Variants in SETD2 observed in about 807,000 individuals in gnomAD.
SETD2 encodes the protein histone-lysine N-methyltransferase SETD2.
Under a neutral mutation model 242.1 loss-of-function variants are expected in SETD2, and 31 were observed. That is an observed-to-expected ratio of 0.13 (90% CI 0.10 to 0.17). SETD2 has a LOEUF of 0.17. SETD2 is among the 10% of genes least tolerant of loss of function. The pLI is 1.00. For synonymous variants in SETD2, 1,006 were observed against 1,066.5 expected, an observed-to-expected ratio of 0.94 and a Z score of 1.11; for missense variants, 2,481 against 3,046.3, an observed-to-expected ratio of 0.81 and a Z score of 4.37.
chr3:47,140,962 A>G (rs78240845), intron 1 of SETD2, among the ~76,000 whole-genome samples: 3 of 152,054 alleles, frequency 2.0e-5, no homozygotes, highest in Non-Finnish European at 4.4e-5. Flanking sequence ...TAATTAGACT[A>G]TTATAATTAG....
intron 17 of SETD2, 108 bp from the exon 18 acceptor site, chr3:47,037,885 G>T: frequency 1.3e-6 from 1 of 777,278 alleles, no homozygotes; most frequent in Non-Finnish European, 2.2e-6. Flanking sequence ...ATAAGACATA[G>T]AATAAGTCAG....
chr3:47,117,944 C>G (rs555295766), intron 3 of SETD2, among the ~76,000 whole-genome samples: 1 of 152,190 alleles, frequency 6.6e-6, no homozygotes, highest in African/African-American at 2.4e-5. Context: ...GATTAGGGAA[C>G]TATAAGAACT....
chr3:47,127,987 T>A (rs570147232), intron 1 of SETD2, among the ~76,000 whole-genome samples: 7 of 111,966 alleles, frequency 6.3e-5, no homozygotes, highest in Admixed American at 6.0e-4. Context: ...AACCTGTCTC[T>A]CTCTCTCACA....
intron 1 of SETD2, among the ~76,000 whole-genome samples, chr3:47,137,898 A>G (rs1280680599): frequency 6.6e-6 from 1 of 151,986 alleles, no homozygotes; most frequent in Admixed American, 6.6e-5. Context: ...CAAGTTGACC[A>G]GGCTGGTCTC....
Position 47,083,620 on chromosome 3 carries a change from G to A in SETD2, c.6060+100C>T, listed in dbSNP as rs913945839. On this transcript the variant is annotated intron_variant, in intron 12 of 20. Transcript: ENST00000409792. ...AAGAGAGACAGTATTCCATTTTTCA[G>A]AAATATGCATGGCTAAAAAAAGTAG... 2.7e-6 allele frequency: 3 copies of A among 1,123,388 alleles called. No homozygotes were observed. The African/African-American group carries it at 4.7e-5, about 18-fold the overall frequency. The allele number at this position is 1,123,388 out of a possible 1,614,324, so 69.6% of individuals were successfully genotyped here. A position where few individuals can be genotyped will look rare whatever the true frequency, so the allele number is the denominator to read the frequency against.
At position 47,123,501 on chromosome 3, in the gene SETD2, T is replaced by C. The variant is rs761258214; in HGVS notation, c.1135A>G (p.Ser379Gly). The C allele has an allele frequency of 9.7e-6, 15 of 1,551,036 alleles. No homozygotes were observed. The highest frequency in any genetic ancestry group is 1.3e-5 in the Non-Finnish European group (15 of 1,146,962). Residue 379 changes from serine (S) to glycine (G), a missense_variant, in exon 3 of 21, where the codon AGC becomes GGC. Around this residue, in one of 17 missense-constraint regions of SETD2, gnomAD observed 1,300 missense variants for 1,259.2 expected, o/e 1.03. Transcript: ENST00000409792. ...SKTDRDDKYF[S>G]YSKLERDTRY... ...GTATCTCTTTCAAGTTTTGAATAGC[T>C]AAAATATTTATCATCTCTGTCTGTT...
chr3:47,105,466 A>C (rs2042375365), intron 6 of SETD2, among the ~76,000 whole-genome samples: 1 of 151,372 alleles, frequency 6.6e-6, no homozygotes, highest in South Asian at 2.1e-4. Flanking sequence ...AAGAGTTGTA[A>C]TCTAAAACAC....
intron 1 of SETD2, among the ~76,000 whole-genome samples, chr3:47,158,191 AATTAT>A (rs1427969283): frequency 6.6e-6 from 1 of 152,220 alleles, no homozygotes; most frequent in Non-Finnish European, 1.5e-5. Context: ...AAAGGAAGAC[AATTAT>A]ATTGAGGGGA....
chr3:47,128,499 AC>A (rs1454630650), intron 1 of SETD2, among the ~76,000 whole-genome samples: 1 of 151,938 alleles, frequency 6.6e-6, no homozygotes, highest in Non-Finnish European at 1.5e-5. Context: ...AACATATAAA[AC>A]CCTTTTCCCC....
At chr3:47,101,231 A>C (rs926799940) in intron 8 of SETD2, among the ~76,000 whole-genome samples, 1 of 152,156 alleles carries the variant, frequency 6.6e-6, no homozygotes, top group African/African-American at 2.4e-5. Flanking sequence ...TTATACAAGT[A>C]GACCATATGA....
rs768992405 is a variant in SETD2, at chr3:47,121,070, G to A, written c.3566C>T (p.Thr1189Ile). ...CCTAGAAGGTATTTTGGCTTTCACG[G>A]TTTCCTCTGAATTTGGGTGACCCAG... ...DPLGHPNSEE[T>I]VKAKIPSRQQ... The change falls in exon 3 of 21, where the codon ACC becomes ATC. Residue 1189 changes from threonine to isoleucine, a missense_variant. This residue lies in a region of SETD2 where 1,300 missense variants were observed against 1,259.2 expected (regional missense o/e 1.03). Coordinates refer to ENST00000409792, the MANE Select transcript of SETD2 (RefSeq NM_014159.7). The A allele has an allele frequency of 1.2e-6, 2 of 1,614,062 alleles. No individual in the cohort carries two copies. The highest frequency in any genetic ancestry group is 3.3e-5 in the Admixed American group (2 of 59,998).
intron 3 of SETD2, among the ~76,000 whole-genome samples, chr3:47,117,004 G>C (rs2042880526): frequency 6.6e-6 from 1 of 151,740 alleles, no homozygotes; most frequent in Non-Finnish European, 1.5e-5. Context: ...CACCACGCTT[G>C]GTTTTTGTTA....
At chr3:47,083,328 T>C (rs1017985221) in intron 12 of SETD2, among the ~76,000 whole-genome samples, 3 of 152,226 alleles carry the variant, frequency 2.0e-5, no homozygotes, top group African/African-American at 7.2e-5. Context: ...CTAAATTATC[T>C]TAGTTTTCCA....
chr3:47,123,890 G>A lies in SETD2; in HGVS notation c.746C>T (p.Ser249Phe), dbSNP rs1162661952. The A allele has an allele frequency of 2.5e-5, 39 of 1,551,858 alleles. No individual in the cohort carries two copies. Among genetic ancestry groups the A allele is most frequent in the Non-Finnish European group, 3.3e-5 (38 of 1,146,906 alleles). The change falls in exon 3 of 21, where the codon TCT (serine) becomes TTT (phenylalanine). Residue 249 changes from serine (S) to phenylalanine (F), a missense_variant. Transcript: ENST00000409792. ...GTCCTGCTTAGTATCTGCTTCTAAAGATTCTGGTACAATTATAATTGGTGG... is the reference window on the plus strand; with the variant it reads ...GTCCTGCTTAGTATCTGCTTCTAAAAATTCTGGTACAATTATAATTGGTGG... ...KEPPIIIVPE[S>F]LEADTKQDTI...
At chr3:47,162,198 AG>A (rs1472557512) in intron 1 of SETD2, among the ~76,000 whole-genome samples, 2 of 152,178 alleles carry the variant, frequency 1.3e-5, no homozygotes, top group Non-Finnish European at 2.9e-5. Context: ...AGGAAGTGAA[AG>A]CAGGCACTTA....
chr3:47,044,929 T>C (rs974831600), intron 16 of SETD2, among the ~76,000 whole-genome samples: 16 of 152,222 alleles, frequency 1.1e-4, no homozygotes, highest in African/African-American at 2.9e-4. Context: ...TTGGAATATT[T>C]CAAGCTATAC....
At chr3:47,071,872 A>C (rs1575726384) in intron 12 of SETD2, among the ~76,000 whole-genome samples, 1 of 152,208 alleles carries the variant, frequency 6.6e-6, no homozygotes, top group East Asian at 1.9e-4. Context: ...CACTTCATTA[A>C]TACATCCCAA....
intron 13 of SETD2, among the ~76,000 whole-genome samples, chr3:47,065,491 C>T (rs1467755117): frequency 6.6e-6 from 1 of 151,946 alleles, no homozygotes; most frequent in Non-Finnish European, 1.5e-5. Context: ...AGTAAGTGTG[C>T]TGGAAGAAAG....
At chr3:47,027,336 CAAAAAAAAAAAAAAA>C (rs145911577) in intron 18 of SETD2, among the ~76,000 whole-genome samples, 47 of 103,720 alleles carry the variant, frequency 4.5e-4, no homozygotes, top group South Asian at 9.1e-4. Flanking sequence ...GACTCCATCT[CAAAAAAAAAAAAAAA>C]AAAAAAAAAA....
Sources: gnomAD v4.1 joint callset for allele counts (sites outside exome capture counted in the v4.1 genomes callset) on GRCh38, gnomAD v4.1.1 for gene constraint, gnomAD v4.1.1 regional missense constraint, MANE v1.5 for transcripts, NCBI Gene and HGNC (gene_info 2026-07-23, HGNC 2026-07-21) for gene names.